The following GALNT17 variants were observed in gnomAD, a reference collection of about 807,000 sequenced individuals.
GALNT17 encodes polypeptide N-acetylgalactosaminyltransferase 17, also known as UDP-GalNAc:polypeptide N-acetylgalactosaminyltransferase-like 3.
In GALNT17, 29 loss-of-function variants were observed where a neutral mutation model predicts 63.7. The observed-to-expected ratio is 0.46, with a 90% confidence interval of 0.34 to 0.62. GALNT17 has a LOEUF of 0.62. Ranked by LOEUF, GALNT17 falls within the 20% of genes least tolerant of loss-of-function variation. GALNT17 has a pLI of 0.01. For missense variants in GALNT17, 603 were observed against 799.6 expected (o/e 0.75, Z 2.97); for synonymous variants, 305 against 318.3 (o/e 0.96, Z 0.45).
chr7:71,584,411 T>G (rs1789684456), intron 6 of GALNT17, among the ~76,000 whole-genome samples: 1 of 152,216 alleles, frequency 6.6e-6, no homozygotes, highest in South Asian at 2.1e-4. Context: ...TCATTCAGCT[T>G]TAACAAATAT....
intron 5 of GALNT17, among the ~76,000 whole-genome samples, chr7:71,560,034 AAT>A (rs1789228338): frequency 1.3e-5 from 2 of 151,764 alleles, no homozygotes; most frequent in South Asian, 4.2e-4. Context: ...TCTCTACAAA[AAT>A]ACAAAAAATT....
rs1257287982 is a variant in GALNT17 at position 71,712,237 on chromosome 7, AG to A, written c.*95del. On this transcript the variant is annotated 3_prime_UTR_variant, in exon 11 of 11. Transcript: ENST00000333538. Reference sequence around the variant, plus strand: ...CAGCTGCCCTGGCGGAGAGACAGCAAGGGGCCGGCAGGTGCTCGATGGGCCC... The same window carrying A: ...CAGCTGCCCTGGCGGAGAGACAGCAAGGGCCGGCAGGTGCTCGATGGGCCC... 1 of 1,522,228 alleles carries A rather than the reference AG, an allele frequency of 6.6e-7. No homozygotes were observed. The highest frequency in any genetic ancestry group is 1.4e-5 in the African/African-American group (1 of 71,756). The allele number at this position is 1,522,228 out of a possible 1,614,324, so 94.3% of individuals were successfully genotyped here.
chr7:71,377,114 A>AAAAAAAAATATAT, intron 2 of GALNT17, among the ~76,000 whole-genome samples: 2 of 57,466 alleles, frequency 3.5e-5, no homozygotes, highest in Non-Finnish European at 6.0e-5. Flanking sequence ...AAATAAAAAA[A>AAAAAAAAATATAT]ATATATATAT....
intron 5 of GALNT17, among the ~76,000 whole-genome samples, chr7:71,557,794 C>T (rs576892927): frequency 4.7e-5 from 7 of 150,130 alleles, no homozygotes; most frequent in Non-Finnish European, 7.4e-5. Context: ...CTTAAATACC[C>T]GGGCGCAGTG....
chr7:71,409,656 T>C (rs770536051), intron 3 of GALNT17, among the ~76,000 whole-genome samples: 2 of 152,208 alleles, frequency 1.3e-5, no homozygotes, highest in African/African-American at 2.4e-5. Context: ...CTGACACTTT[T>C]GCATTGGTTC....
chr7:71,635,093 G>A (rs867077375), intron 6 of GALNT17, among the ~76,000 whole-genome samples: 1 of 151,586 alleles, frequency 6.6e-6, no homozygotes, highest in African/African-American at 2.4e-5. Context: ...TGTAATCCCA[G>A]CTACTCAGGA....
intron 1 of GALNT17, among the ~76,000 whole-genome samples, chr7:71,181,331 T>C (rs1343065957): frequency 6.6e-6 from 1 of 151,224 alleles, no homozygotes; most frequent in Non-Finnish European, 1.5e-5. Flanking sequence ...GGAAAACAGA[T>C]ACTGGAGCCC....
chr7:71,357,288 A>C (rs981033453), intron 2 of GALNT17, among the ~76,000 whole-genome samples: 29 of 152,276 alleles, frequency 1.9e-4, no homozygotes, highest in African/African-American at 7.0e-4. Context: ...CTGCCAGATC[A>C]GCGGCAGCAT....
chr7:71,302,229 A>G (rs1192408110), intron 1 of GALNT17, among the ~76,000 whole-genome samples: 1 of 152,182 alleles, frequency 6.6e-6, no homozygotes, highest in Non-Finnish European at 1.5e-5. Flanking sequence ...GCATCAGGGA[A>G]AATAGCTAAT....
chr7:71,377,085 C>A (rs868235276), intron 2 of GALNT17, among the ~76,000 whole-genome samples: 493 of 18,376 alleles, frequency 0.027, 4 homozygotes, highest in African/African-American at 0.11. Flanking sequence ...TATTCCATCT[C>A]AAAAAAAAAA....
At chr7:71,301,374 TATATATAATA>T (rs1454184800) in intron 1 of GALNT17, among the ~76,000 whole-genome samples, 2 of 147,222 alleles carry the variant, frequency 1.4e-5, no homozygotes, top group Non-Finnish European at 3.0e-5. Context: ...TACTAATAAT[TATATATAATA>T]ATATATAATA....
intron 2 of GALNT17, among the ~76,000 whole-genome samples, chr7:71,376,545 A>G (rs1400296227): frequency 7.2e-6 from 1 of 139,450 alleles, no homozygotes; most frequent in Non-Finnish European, 1.5e-5. Flanking sequence ...CTGCTCCCGT[A>G]TGTGTGCGAG....
intron 2 of GALNT17, among the ~76,000 whole-genome samples, chr7:71,365,638 G>A (rs972896203): frequency 6.6e-6 from 1 of 152,060 alleles, no homozygotes; most frequent in African/African-American, 2.4e-5. Flanking sequence ...ATGATTTCCT[G>A]CCAAATTTAA....
intron 6 of GALNT17, among the ~76,000 whole-genome samples, chr7:71,634,010 C>G (rs1790493735): frequency 6.6e-6 from 1 of 152,226 alleles, no homozygotes; most frequent in South Asian, 2.1e-4. Context: ...TAAACTCTCT[C>G]TACTACAATA....
chr7:71,274,909 G>T (rs2115718080), intron 1 of GALNT17, among the ~76,000 whole-genome samples: 1 of 152,306 alleles, frequency 6.6e-6, no homozygotes, highest in South Asian at 2.1e-4. Flanking sequence ...CAACAACATT[G>T]TTATACTACT....
chr7:71,180,645 T>C (rs554703731), intron 1 of GALNT17, among the ~76,000 whole-genome samples: 11 of 152,300 alleles, frequency 7.2e-5, no homozygotes, highest in African/African-American at 2.4e-4. Context: ...GCCCTTTTCA[T>C]GTTACCTTAC....
At chr7:71,710,729 TC>T in intron 9 of GALNT17, 31 bp from the exon 10 acceptor site, 1 of 1,608,990 alleles carries the variant, frequency 6.2e-7, no homozygotes, top group African/African-American at 1.3e-5. Context: ...GCCTCCCACT[TC>T]CATTCCCCTG....
At chr7:71,310,987 G>A (rs140642985) in intron 1 of GALNT17, among the ~76,000 whole-genome samples, 18 of 152,314 alleles carry the variant, frequency 1.2e-4, no homozygotes, top group East Asian at 3.9e-4. Flanking sequence ...TGAGCAGCTC[G>A]CCGCTGATGA....
chr7:71,693,247 TATAC>T (rs1791483939), intron 9 of GALNT17, among the ~76,000 whole-genome samples: 1 of 107,400 alleles, frequency 9.3e-6, no homozygotes, highest in African/African-American at 3.4e-5. Flanking sequence ...TACACATATA[TATAC>T]ACACACACAC....
Sources: gnomAD v4.1 joint callset for allele counts (sites outside exome capture counted in the v4.1 genomes callset) on GRCh38, gnomAD v4.1.1 for gene constraint, MANE v1.5 for transcripts, NCBI Gene and HGNC (gene_info 2026-07-23, HGNC 2026-07-21) for gene names.